The following KCNAB1 variants were observed in gnomAD, a reference collection of about 807,000 sequenced individuals.
The protein encoded by KCNAB1 is potassium voltage-gated channel subfamily A regulatory beta subunit 1, also known as voltage-gated potassium channel subunit beta-1.
A neutral mutation model predicts 64.6 loss-of-function variants in KCNAB1; 35 were observed. The ratio of observed to expected loss-of-function variants is 0.54; its 90% CI spans 0.41 to 0.72. The LOEUF (loss-of-function observed/expected upper bound fraction) is 0.72. Among genes scored for constraint, KCNAB1 ranks in the 30% least tolerant of loss-of-function variants. KCNAB1 has a pLI of 0.00. For missense variants in KCNAB1, 401 were observed against 512.9 expected (o/e 0.78, Z 2.11); for synonymous variants, 177 against 183.8 (o/e 0.96, Z 0.30).
At chr3:156,233,858 G>T (rs892921950) in intron 1 of KCNAB1, among the ~76,000 whole-genome samples, 6 of 152,018 alleles carry the variant, frequency 3.9e-5, no homozygotes, top group African/African-American at 1.2e-4. Context: ...TGGAAGAGTG[G>T]CACTGCCTTT....
chr3:156,488,507 A>T (rs1037410324), intron 8 of KCNAB1, among the ~76,000 whole-genome samples: 1 of 152,108 alleles, frequency 6.6e-6, no homozygotes, highest in African/African-American at 2.4e-5. Context: ...AACGTCAAGG[A>T]CATAGATGTG....
intron 13 of KCNAB1, among the ~76,000 whole-genome samples, chr3:156,532,877 T>G (rs921132929): frequency 2.6e-5 from 4 of 152,194 alleles, no homozygotes; most frequent in African/African-American, 9.7e-5. Context: ...ATGATTTCAG[T>G]TTCACTAATA....
At chr3:156,377,187 G>A (rs1174248922) in intron 1 of KCNAB1, among the ~76,000 whole-genome samples, 2 of 152,122 alleles carry the variant, frequency 1.3e-5, no homozygotes, top group Non-Finnish European at 2.9e-5. Flanking sequence ...GAGATGCTCA[G>A]GAGGCATTCT....
intron 1 of KCNAB1, among the ~76,000 whole-genome samples, chr3:156,168,099 A>G (rs1711720099): frequency 6.6e-6 from 1 of 152,142 alleles, no homozygotes; most frequent in Admixed American, 6.5e-5. Context: ...GCTACTTAGG[A>G]GACTGAGGTG....
chr3:156,493,532 T>C (rs1165026274), intron 8 of KCNAB1, among the ~76,000 whole-genome samples: 2 of 152,140 alleles, frequency 1.3e-5, no homozygotes, highest in African/African-American at 2.4e-5. Flanking sequence ...CCCCAAATGT[T>C]AACATCTTCT....
chr3:156,168,286 T>A (rs1711735646), intron 1 of KCNAB1, among the ~76,000 whole-genome samples: 1 of 151,974 alleles, frequency 6.6e-6, no homozygotes, highest in African/African-American at 2.4e-5. Context: ...TAAGTATCTA[T>A]CAAACCGAAG....
intron 1 of KCNAB1, among the ~76,000 whole-genome samples, chr3:156,273,026 G>A (rs1460089726): frequency 1.3e-5 from 2 of 151,982 alleles, no homozygotes; most frequent in Non-Finnish European, 2.9e-5. Flanking sequence ...TCCCGGAAAG[G>A]GGGCCTTGCA....
chr3:156,247,130 T>C (rs1476656596), intron 1 of KCNAB1, among the ~76,000 whole-genome samples: 1 of 152,178 alleles, frequency 6.6e-6, no homozygotes, highest in Non-Finnish European at 1.5e-5. Context: ...GCCATGCATC[T>C]GCAGTCAGTT....
rs117301159 is a variant in KCNAB1 at position 156,257,488 on chromosome 3, C to T, written c.275+136602C>T. On this transcript the variant is annotated intron_variant, in intron 1 of 13. Transcript: ENST00000490337. ...ATTGTCTGGGGAGGGATCCGGGGTG[C>T]TTTGCCTGTTCTATGTCCAGAGCCC... 4.3e-4 allele frequency among the ~76,000 whole-genome samples: 66 copies of T among 152,250 alleles called. No individual in the cohort carries two copies. In the East Asian group the frequency reaches 9.3e-3, roughly 21 times the overall value.
intron 1 of KCNAB1, among the ~76,000 whole-genome samples, chr3:156,328,427 A>G (rs1188521539): frequency 6.6e-6 from 1 of 152,108 alleles, no homozygotes; most frequent in East Asian, 1.9e-4. Flanking sequence ...AACACCTCCA[A>G]ATCCACTAGA....
chr3:156,261,312 A>G (rs1718417908), intron 1 of KCNAB1, among the ~76,000 whole-genome samples: 2 of 151,938 alleles, frequency 1.3e-5, no homozygotes, highest in Non-Finnish European at 1.5e-5. Flanking sequence ...TAGCTTTGCC[A>G]AAGCCAAGAT....
At chr3:156,164,094 G>A (rs1022739655) in intron 1 of KCNAB1, among the ~76,000 whole-genome samples, 3 of 152,166 alleles carry the variant, frequency 2.0e-5, no homozygotes, top group Non-Finnish European at 4.4e-5. Flanking sequence ...GTGCCTTTCA[G>A]AATCAATTAC....
At chr3:156,496,869 A>G (rs1716047957) in intron 8 of KCNAB1, among the ~76,000 whole-genome samples, 2 of 152,146 alleles carry the variant, frequency 1.3e-5, no homozygotes, top group Non-Finnish European at 2.9e-5. Context: ...AATGTGTGGA[A>G]TAGTGAAATA....
At chr3:156,380,351 A>G (rs1035214949) in intron 1 of KCNAB1, among the ~76,000 whole-genome samples, 4 of 152,190 alleles carry the variant, frequency 2.6e-5, no homozygotes, top group Non-Finnish European at 4.4e-5. Context: ...AATGACTGAT[A>G]TTTACTTTTG....
intron 1 of KCNAB1, among the ~76,000 whole-genome samples, chr3:156,169,492 G>A (rs1711824261): frequency 6.6e-6 from 1 of 152,166 alleles, no homozygotes; most frequent in Non-Finnish European, 1.5e-5. Flanking sequence ...TTCCCTTCTT[G>A]AGCCGTTCTT....
At chr3:156,472,763 T>C (rs765371398) in intron 7 of KCNAB1, among the ~76,000 whole-genome samples, 2 of 152,210 alleles carry the variant, frequency 1.3e-5, no homozygotes, top group Non-Finnish European at 2.9e-5. Context: ...CCGCTCTCAA[T>C]ATGCACTGTT....
intron 1 of KCNAB1, among the ~76,000 whole-genome samples, chr3:156,387,369 G>A (rs1387409530): frequency 1.3e-5 from 2 of 152,162 alleles, no homozygotes; most frequent in Non-Finnish European, 2.9e-5. Context: ...GGATAGAATA[G>A]AGATCAAGAG....
intron 1 of KCNAB1, among the ~76,000 whole-genome samples, chr3:156,282,372 A>G (rs1406689793): frequency 7.3e-6 from 1 of 137,906 alleles, no homozygotes; most frequent in Admixed American, 7.3e-5. Flanking sequence ...TGCTGAGGAG[A>G]GCTTTACTTC....
At chr3:156,383,871 T>C (rs759140248) in intron 1 of KCNAB1, among the ~76,000 whole-genome samples, 4 of 152,208 alleles carry the variant, frequency 2.6e-5, no homozygotes, top group African/African-American at 4.8e-5. Flanking sequence ...GCCTCGCAGC[T>C]CTGCCACTTG....
Sources: gnomAD v4.1 joint callset for allele counts (sites outside exome capture counted in the v4.1 genomes callset) on GRCh38, gnomAD v4.1.1 for gene constraint, MANE v1.5 for transcripts, NCBI Gene and HGNC (gene_info 2026-07-23, HGNC 2026-07-21) for gene names.